CALN1: variants seen among roughly 807,000 people sequenced by gnomAD.
CALN1 encodes calneuron 1.
Under a neutral mutation model 30.6 loss-of-function variants are expected in CALN1, and 17 were observed. That is an observed-to-expected ratio of 0.56 (90% CI 0.38 to 0.83). CALN1 has a LOEUF of 0.83. Ranked by LOEUF, CALN1 falls within the 40% of genes least tolerant of loss-of-function variation. The pLI, the probability that CALN1 is intolerant of heterozygous loss-of-function variation, is 0.00. For missense variants in CALN1, 291 were observed against 354.9 expected (o/e 0.82, Z 1.45); for synonymous variants, 156 against 131.4 (o/e 1.19, Z -1.28).
chr7:72,181,233 AAT>A, intron 3 of CALN1, among the ~76,000 whole-genome samples: 1 of 148,310 alleles, frequency 6.7e-6, no homozygotes, highest in East Asian at 2.0e-4. Flanking sequence ...TAATATATAA[AAT>A]ATATATTATA....
intron 5 of CALN1, among the ~76,000 whole-genome samples, chr7:71,869,501 C>T (rs955551888): frequency 6.6e-6 from 1 of 152,070 alleles, no homozygotes; most frequent in Non-Finnish European, 1.5e-5. Context: ...CTTGAGCCAC[C>T]GTGCCTGGCC....
intron 2 of CALN1, among the ~76,000 whole-genome samples, chr7:72,300,219 T>C (rs1472672456): frequency 6.6e-6 from 1 of 152,142 alleles, no homozygotes; most frequent in Admixed American, 6.6e-5. Context: ...GAGAATGTAA[T>C]GGGACTGATA....
rs1792802615 is a variant in CALN1 at position 71,783,085 on chromosome 7, C to A, written c.*4690G>T. The A allele has an allele frequency of 6.6e-6, 1 of 152,196 alleles. No homozygotes were observed. The highest frequency in any genetic ancestry group is 2.4e-5 in the African/African-American group (1 of 41,412). The allele number at this position is 152,196 out of a possible 1,614,324, so 9.4% of individuals were successfully genotyped here. A position where few individuals can be genotyped will look rare whatever the true frequency, so the allele number is the denominator to read the frequency against. ...CTTTTCTATTTCAGATAGATTCTCC[C>A]CTTCTGGGGCAGTTGAGCAATCAGG... is the stretch of plus-strand genomic sequence containing the variant. On this transcript the variant is annotated 3_prime_UTR_variant, in exon 7 of 7. Transcript: ENST00000395275.
At chr7:71,808,185 A>T (rs992998525) in intron 6 of CALN1, among the ~76,000 whole-genome samples, 9 of 152,024 alleles carry the variant, frequency 5.9e-5, no homozygotes, top group African/African-American at 9.7e-5. Flanking sequence ...ATAATTATTA[A>T]TTATGATATT....
At chr7:72,155,985 A>G (rs1223900066) in intron 3 of CALN1, among the ~76,000 whole-genome samples, 1 of 152,134 alleles carries the variant, frequency 6.6e-6, no homozygotes, top group Non-Finnish European at 1.5e-5. Context: ...GTTACATTAA[A>G]CCCACTCAGA....
intron 2 of CALN1, among the ~76,000 whole-genome samples, chr7:72,396,913 T>C (rs1806000946): frequency 1.3e-5 from 2 of 152,044 alleles, no homozygotes; most frequent in Admixed American, 6.6e-5. Flanking sequence ...GTAGTAAAAG[T>C]AGTAGTAGAA....
In CALN1 at chr7:72,349,738, C is replaced by A. The variant is rs74852658; in HGVS notation, c.119+53513G>T. 3.9e-5 allele frequency among the ~76,000 whole-genome samples: 6 copies of A among 152,154 alleles called. No individual in the cohort carries two copies. The East Asian group carries it at 1.2e-3, about 29-fold the overall frequency. ...TGCTTATTGGTCATGTATATGTCTT[C>A]TTTTGAAAACTGCCTGTTTGTGTCC... On this transcript the variant is annotated intron_variant, in intron 2 of 6. Transcript: ENST00000395275.
chr7:72,347,533 T>C (rs1239261645), intron 2 of CALN1, among the ~76,000 whole-genome samples: 1 of 152,068 alleles, frequency 6.6e-6, no homozygotes. Context: ...CCCAAAGTGC[T>C]GGGGTTACAG....
At chr7:72,449,748 G>A (rs1479602890), upstream of CALN1, among the ~76,000 whole-genome samples, 10 of 151,682 alleles carry the variant, frequency 6.6e-5, no homozygotes, top group South Asian at 2.1e-4. Context: ...GGTGGCGGGC[G>A]CCTGTAGTCC....
intron 2 of CALN1, among the ~76,000 whole-genome samples, chr7:72,310,927 AAC>A (rs1362875759): frequency 7.3e-5 from 11 of 150,664 alleles, no homozygotes; most frequent in East Asian, 3.9e-4. Context: ...AAAAAAAAAA[AAC>A]AAAAATAAAG....
chr7:72,457,185 T>G, the CALN1 span, among the ~76,000 whole-genome samples: 1 of 152,088 alleles, frequency 6.6e-6, no homozygotes, highest in South Asian at 2.1e-4. Context: ...ATTTTTTGCA[T>G]TTTTAGTAGA....
At chr7:71,972,988 G>A (rs1308514097) in intron 5 of CALN1, among the ~76,000 whole-genome samples, 1 of 152,146 alleles carries the variant, frequency 6.6e-6, no homozygotes, top group African/African-American at 2.4e-5. Context: ...CCAGGTGAGA[G>A]AATTGTCCTC....
At chr7:72,410,867 G>C (rs62463252) in intron 1 of CALN1, among the ~76,000 whole-genome samples, 1 of 152,112 alleles carries the variant, frequency 6.6e-6, no homozygotes, top group African/African-American at 2.4e-5. Flanking sequence ...ATACAAGGAT[G>C]TTTACTATCT....
intron 5 of CALN1, among the ~76,000 whole-genome samples, chr7:71,924,129 G>A: frequency 6.8e-6 from 1 of 148,102 alleles, no homozygotes; most frequent in African/African-American, 2.5e-5. Flanking sequence ...GGAGGCGAAG[G>A]TTGCAGTGAG....
intron 5 of CALN1, among the ~76,000 whole-genome samples, chr7:71,877,158 A>G (rs1223587090): frequency 1.3e-5 from 2 of 152,230 alleles, no homozygotes; most frequent in Non-Finnish European, 2.9e-5. Context: ...ATATGGTAAA[A>G]ATCAACAGCC....
chr7:72,290,241 GTT>G (rs1448191167), intron 2 of CALN1, among the ~76,000 whole-genome samples: 2 of 151,188 alleles, frequency 1.3e-5, no homozygotes, highest in Non-Finnish European at 2.9e-5. Context: ...TCCTTGCCAT[GTT>G]TTGACTTTCT....
At chr7:72,425,561 T>C (rs1486709698) in intron 1 of CALN1, among the ~76,000 whole-genome samples, 1 of 152,186 alleles carries the variant, frequency 6.6e-6, no homozygotes, top group Non-Finnish European at 1.5e-5. Flanking sequence ...TCCTGATGGG[T>C]TGGCCATTCT....
chr7:72,007,563 C>T (rs968797299), intron 5 of CALN1, among the ~76,000 whole-genome samples: 9 of 152,036 alleles, frequency 5.9e-5, no homozygotes, highest in East Asian at 3.9e-4. Context: ...CAAAACAAAA[C>T]GAACAAAACA....
the CALN1 span, among the ~76,000 whole-genome samples, chr7:72,480,959 TTTG>T: frequency 2.0e-5 from 3 of 152,162 alleles, no homozygotes; most frequent in Non-Finnish European, 2.9e-5. Flanking sequence ...CTTACCTTTT[TTTG>T]TTGTTGTTTT....
Sources: gnomAD v4.1 joint callset for allele counts (sites outside exome capture counted in the v4.1 genomes callset) on GRCh38, gnomAD v4.1.1 for gene constraint, MANE v1.5 for transcripts, NCBI Gene and HGNC (gene_info 2026-07-23, HGNC 2026-07-21) for gene names.